The following CDH12 variants were observed in gnomAD, a reference collection of about 807,000 sequenced individuals.
CDH12 encodes cadherin-12.
Under a neutral mutation model 74.1 loss-of-function variants are expected in CDH12, and 41 were observed. That is an observed-to-expected ratio of 0.55 (90% CI 0.43 to 0.72). The LOEUF is 0.72. Ranked by LOEUF, CDH12 falls within the 30% of genes least tolerant of loss-of-function variation. The pLI, the probability that CDH12 is intolerant of heterozygous loss-of-function variation, is 0.00. For synonymous variants in CDH12, 399 were observed against 355.0 expected (o/e 1.12, Z -1.39); for missense variants, 945 against 977.2 (o/e 0.97, Z 0.44).
At chr5:21,859,886 C>A (rs35440116) in intron 6 of CDH12, among the ~76,000 whole-genome samples, 96,035 of 151,792 alleles carry the variant, frequency 0.63, 34,651 homozygotes, top group East Asian at 0.79. Flanking sequence ...TACAGGAAAT[C>A]TCTTAGGGCA....
chr5:22,392,931 T>C (rs1253806572), intron 3 of CDH12, among the ~76,000 whole-genome samples: 1 of 152,110 alleles, frequency 6.6e-6, no homozygotes. Flanking sequence ...GATTTTTCAC[T>C]GTAGTCAGGC....
chr5:22,121,273 G>A (rs192846326), intron 4 of CDH12, among the ~76,000 whole-genome samples: 225 of 152,284 alleles, frequency 1.5e-3, no homozygotes, highest in Non-Finnish European at 2.7e-3. Context: ...GGAAGATAGA[G>A]ATAATATCTC....
At chr5:22,056,802 T>G (rs1008557205) in intron 5 of CDH12, among the ~76,000 whole-genome samples, 1 of 152,200 alleles carries the variant, frequency 6.6e-6, no homozygotes, top group South Asian at 2.1e-4. Context: ...GGTTTCCTAC[T>G]TTACAGATGT....
chr5:22,262,792 T>C (rs1753569136), intron 3 of CDH12, among the ~76,000 whole-genome samples: 1 of 152,106 alleles, frequency 6.6e-6, no homozygotes, highest in Admixed American at 6.6e-5. Context: ...TTCCTGACTT[T>C]TTAATGATTG....
In CDH12 at chr5:21,784,392, A is replaced by G. The variant is rs1746087849; in HGVS notation, c.1257-898T>C. Among the ~76,000 whole-genome samples, 3 of 152,216 alleles carry G rather than the reference A, an allele frequency of 2.0e-5. No homozygotes were observed. The South Asian group carries it at 6.2e-4, about 32-fold the overall frequency. On this transcript the variant is annotated intron_variant, in intron 10 of 14. Transcript: ENST00000382254. ...CATTGAGAATAAAAAATGTCTGCAG[A>G]ATAGTATTATTAATATGTCTTACAT...
intron 1 of CDH12, among the ~76,000 whole-genome samples, chr5:22,767,189 T>A (rs967831521): frequency 6.6e-6 from 1 of 152,026 alleles, no homozygotes; most frequent in African/African-American, 2.4e-5. Context: ...TGTAAAATCA[T>A]GATATCTTTT....
At chr5:22,266,306 C>G (rs1190924119) in intron 3 of CDH12, among the ~76,000 whole-genome samples, 2 of 151,986 alleles carry the variant, frequency 1.3e-5, no homozygotes, top group African/African-American at 4.8e-5. Context: ...GAACTGACCT[C>G]AGGTAATCTG....
At chr5:22,626,017 G>A (rs1312767298) in intron 1 of CDH12, among the ~76,000 whole-genome samples, 1 of 152,014 alleles carries the variant, frequency 6.6e-6, no homozygotes. Flanking sequence ...CAGTGTCAGT[G>A]CATGCCGCCA....
chr5:21,980,905 T>C (rs977723411), intron 5 of CDH12, among the ~76,000 whole-genome samples: 4 of 152,142 alleles, frequency 2.6e-5, no homozygotes, highest in Non-Finnish European at 4.4e-5. Flanking sequence ...CAGTTTAAAC[T>C]GATCAAAAAC....
intron 11 of CDH12, among the ~76,000 whole-genome samples, chr5:21,765,455 G>T (rs994259865): frequency 2.0e-5 from 3 of 150,202 alleles, no homozygotes; most frequent in Non-Finnish European, 4.4e-5. Flanking sequence ...TAATGAAAAC[G>T]TTATTGGTTG....
chr5:21,850,830 A>G (rs1750425443), intron 7 of CDH12, among the ~76,000 whole-genome samples: 1 of 151,376 alleles, frequency 6.6e-6, no homozygotes, highest in Non-Finnish European at 1.5e-5. Context: ...TTCTCACTCA[A>G]TTGTTTTTTT....
At chr5:21,853,960 G>A (rs1000664747) in intron 7 of CDH12, among the ~76,000 whole-genome samples, 8 of 151,604 alleles carry the variant, frequency 5.3e-5, no homozygotes, top group Non-Finnish European at 1.0e-4. Context: ...TCTGATCATC[G>A]GTGAAGTGGT....
At chr5:21,993,649 A>T (rs1736099194) in intron 5 of CDH12, among the ~76,000 whole-genome samples, 1 of 152,094 alleles carries the variant, frequency 6.6e-6, no homozygotes, top group South Asian at 2.1e-4. Flanking sequence ...CAACAATATG[A>T]ATTATCTTCA....
intron 2 of CDH12, among the ~76,000 whole-genome samples, chr5:22,491,157 T>C (rs1280888742): frequency 6.6e-6 from 1 of 152,188 alleles, no homozygotes; most frequent in Non-Finnish European, 1.5e-5. Context: ...TCCCTACTTT[T>C]ATAATACAAT....
At chr5:22,163,766 AG>A (rs1401372332) in intron 4 of CDH12, among the ~76,000 whole-genome samples, 8 of 152,208 alleles carry the variant, frequency 5.3e-5, no homozygotes, top group Admixed American at 5.2e-4. Flanking sequence ...AATAATTTCA[AG>A]GGTACATATA....
chr5:22,779,826 A>G (rs1045110735), intron 1 of CDH12, among the ~76,000 whole-genome samples: 3 of 152,192 alleles, frequency 2.0e-5, no homozygotes, highest in Non-Finnish European at 4.4e-5. Flanking sequence ...TTCTTTATGA[A>G]GTACCCAGTT....
intron 4 of CDH12, among the ~76,000 whole-genome samples, chr5:22,160,300 T>C (rs965955506): frequency 6.6e-6 from 1 of 152,160 alleles, no homozygotes; most frequent in African/African-American, 2.4e-5. Flanking sequence ...TTTGGATATG[T>C]TAGATGTGTT....
At position 22,576,724 on chromosome 5, in the gene CDH12, G is replaced by A. The variant is rs192490221; in HGVS notation, c.-522-71360C>T. Among the ~76,000 whole-genome samples, 103 of 150,302 alleles carry A rather than the reference G, an allele frequency of 6.9e-4. 1 individual carries two copies. The highest frequency in any genetic ancestry group is 3.4e-3 in the Middle Eastern group (1 of 290). On this transcript the variant is annotated intron_variant, in intron 1 of 14. Transcript: ENST00000382254. Reference sequence around the variant, plus strand: ...TCTCCAAGGAGGCGATGGTCCTTGCGTCTTAGGGAAACAGAAAGTAGTTCA... The same window carrying A: ...TCTCCAAGGAGGCGATGGTCCTTGCATCTTAGGGAAACAGAAAGTAGTTCA...
At chr5:22,585,377 CT>C (rs540770935) in intron 1 of CDH12, among the ~76,000 whole-genome samples, 1 of 151,924 alleles carries the variant, frequency 6.6e-6, no homozygotes, top group South Asian at 2.1e-4. Flanking sequence ...GCATAGAGCT[CT>C]TTTTTTTACC....
Sources: allele counts gnomAD v4.1 joint callset (sites outside exome capture counted in the v4.1 genomes callset), GRCh38; gene constraint gnomAD v4.1.1; transcripts MANE v1.5; gene names NCBI Gene and HGNC (gene_info 2026-07-23, HGNC 2026-07-21).